RSRC1: variants seen among roughly 807,000 people sequenced by gnomAD.
RSRC1 encodes the protein serine/Arginine-related protein 53.
Under a neutral mutation model 49.1 loss-of-function variants are expected in RSRC1, and 39 were observed. The observed-to-expected ratio is 0.79, with a 90% CI of 0.61 to 1.04. The LOEUF is 1.04. Among genes scored for constraint, RSRC1 ranks in the 50% least tolerant of loss-of-function variants. RSRC1 has a pLI of 0.00. For missense variants in RSRC1, 388 were observed against 402.4 expected (o/e 0.96, Z 0.31); for synonymous variants, 143 against 130.8 (o/e 1.09, Z -0.63).
At chr3:158,236,358 TGTG>T (rs1723250124) in intron 4 of RSRC1, among the ~76,000 whole-genome samples, 2 of 152,332 alleles carry the variant, frequency 1.3e-5, no homozygotes, top group Non-Finnish European at 2.9e-5. Context: ...GTAATTTACT[TGTG>T]GTGAAATGCA....
chr3:158,392,466 T>C (rs1456388754), intron 6 of RSRC1, among the ~76,000 whole-genome samples: 1 of 152,116 alleles, frequency 6.6e-6, no homozygotes, highest in Admixed American at 6.6e-5. Context: ...GATACGATAC[T>C]TCATTTTAGC....
At chr3:158,211,915 CTT>C (rs1721699971) in intron 4 of RSRC1, among the ~76,000 whole-genome samples, 1 of 151,738 alleles carries the variant, frequency 6.6e-6, no homozygotes, top group Admixed American at 6.6e-5. Context: ...ACTTTTGTGT[CTT>C]TTTAAAGGTT....
intron 6 of RSRC1, among the ~76,000 whole-genome samples, chr3:158,407,342 A>G (rs1271315357): frequency 1.3e-5 from 2 of 152,208 alleles, no homozygotes; most frequent in East Asian, 3.8e-4. Context: ...CATCATGAAT[A>G]TGCCTTTTAA....
intron 7 of RSRC1, among the ~76,000 whole-genome samples, chr3:158,474,252 C>T (rs1425540142): frequency 6.6e-6 from 1 of 152,252 alleles, no homozygotes; most frequent in South Asian, 2.1e-4. Flanking sequence ...GCCAGTCACA[C>T]TAATTTTTTT....
intron 6 of RSRC1, among the ~76,000 whole-genome samples, chr3:158,377,282 C>T (rs750050684): frequency 2.0e-5 from 3 of 152,066 alleles, no homozygotes; most frequent in Non-Finnish European, 4.4e-5. Flanking sequence ...TCCACTTCTT[C>T]GTCTTCTTTA....
intron 7 of RSRC1, chr3:158,497,067 A>G (rs1260808490): frequency 2.6e-5 from 4 of 152,260 alleles, no homozygotes; most frequent in African/African-American, 9.6e-5. Context: ...AAAATAATAC[A>G]TAAGAAATCT....
intron 6 of RSRC1, among the ~76,000 whole-genome samples, chr3:158,391,267 T>G (rs1733273785): frequency 6.6e-6 from 1 of 152,192 alleles, no homozygotes; most frequent in Non-Finnish European, 1.5e-5. Flanking sequence ...ATCTTTTTGG[T>G]AGTTTGGTAC....
chr3:158,298,187 C>A, intron 5 of RSRC1, 112 bp downstream of exon 5: 1 of 806,802 alleles, frequency 1.2e-6, no homozygotes, highest in South Asian at 1.6e-5. Context: ...AACCATTTCC[C>A]AAAGGGTCAG....
intron 6 of RSRC1, among the ~76,000 whole-genome samples, chr3:158,360,975 C>T (rs1731433818): frequency 6.6e-6 from 1 of 152,212 alleles, no homozygotes; most frequent in Admixed American, 6.5e-5. Flanking sequence ...TCACTGGGCC[C>T]AGGCTGGCAA....
At chr3:158,479,649 G>A (rs1013490729) in intron 7 of RSRC1, among the ~76,000 whole-genome samples, 14 of 151,962 alleles carry the variant, frequency 9.2e-5, no homozygotes, top group African/African-American at 2.2e-4. Context: ...GACCTTACTC[G>A]GAATAGTTAC....
intron 3 of RSRC1, among the ~76,000 whole-genome samples, chr3:158,164,876 T>TA (rs1559925759): frequency 6.6e-6 from 1 of 152,146 alleles, no homozygotes; most frequent in African/African-American, 2.4e-5. Context: ...TCAATATTTA[T>TA]AAAAAAAGAT....
At chr3:158,508,761 G>A (rs1740002574) in intron 7 of RSRC1, among the ~76,000 whole-genome samples, 1 of 152,054 alleles carries the variant, frequency 6.6e-6, no homozygotes, top group Admixed American at 6.6e-5. Flanking sequence ...TCAATTATCA[G>A]ATCAACTTTT....
intron 7 of RSRC1, among the ~76,000 whole-genome samples, chr3:158,506,529 TGAAAA>T (rs1356276988): frequency 6.6e-6 from 1 of 152,002 alleles, no homozygotes; most frequent in Non-Finnish European, 1.5e-5. Flanking sequence ...TAGACGTTCC[TGAAAA>T]GAAGACGACA....
At chr3:158,119,678 T>C (rs1405124097) in intron 1 of RSRC1, among the ~76,000 whole-genome samples, 3 of 149,764 alleles carry the variant, frequency 2.0e-5, no homozygotes, top group Non-Finnish European at 4.4e-5. Context: ...ATAATGGATA[T>C]ATGTATATAT....
chr3:158,460,891 A>T, intron 6 of RSRC1, 44 bp from the exon 7 acceptor site: 3 of 1,319,148 alleles, frequency 2.3e-6, no homozygotes, highest in Non-Finnish European at 3.2e-6. Flanking sequence ...CACTTTGAAT[A>T]TAGGCATAAA....
At chr3:158,367,129 C>T (rs1404477598) in intron 6 of RSRC1, among the ~76,000 whole-genome samples, 1 of 152,064 alleles carries the variant, frequency 6.6e-6, no homozygotes, top group Non-Finnish European at 1.5e-5. Context: ...TTTGAATACC[C>T]TTTCTTTCTT....
At chr3:158,328,907 C>G (rs1372538591) in intron 5 of RSRC1, among the ~76,000 whole-genome samples, 2 of 152,156 alleles carry the variant, frequency 1.3e-5, no homozygotes, top group Non-Finnish European at 2.9e-5. Flanking sequence ...TTCACATAGT[C>G]CCATATTTCT....
chr3:158,520,239 C>T (rs1421793261), intron 7 of RSRC1, among the ~76,000 whole-genome samples: 1 of 151,954 alleles, frequency 6.6e-6, no homozygotes, highest in Non-Finnish European at 1.5e-5. Flanking sequence ...GGTTGATAAC[C>T]TTTTGGACAA....
chr3:158,178,483 A>G (rs1233935181), intron 3 of RSRC1, among the ~76,000 whole-genome samples: 3 of 152,094 alleles, frequency 2.0e-5, no homozygotes, highest in African/African-American at 7.2e-5. Context: ...GATTAATCTC[A>G]TCAGGGATTT....
Sources: allele counts gnomAD v4.1 joint callset (sites outside exome capture counted in the v4.1 genomes callset), GRCh38; gene constraint gnomAD v4.1.1; transcripts MANE v1.5; gene names NCBI Gene and HGNC (gene_info 2026-07-23, HGNC 2026-07-21).